Variants in SEMA3D observed in about 807,000 individuals in gnomAD.
SEMA3D encodes the protein semaphorin-3D.
SEMA3D carries 84 observed loss-of-function variants against 100.1 expected under a neutral mutation model. That is an observed-to-expected ratio of 0.84 (90% CI 0.70 to 1.01). SEMA3D has a LOEUF of 1.01. Ranked by LOEUF, SEMA3D falls within the 50% of genes least tolerant of loss-of-function variation. The pLI is 0.00. For missense variants in SEMA3D, 875 were observed against 934.1 expected (o/e 0.94, Z 0.82); for synonymous variants, 312 against 320.7 (o/e 0.97, Z 0.29).
intron 8 of SEMA3D, among the ~76,000 whole-genome samples, chr7:85,057,820 A>G (rs1791364035): frequency 6.6e-6 from 1 of 152,102 alleles, no homozygotes. Flanking sequence ...AATCCCAGCT[A>G]CTTGGGAGGC....
At chr7:85,056,386 C>G (rs1006117922) in intron 8 of SEMA3D, among the ~76,000 whole-genome samples, 56 of 151,956 alleles carry the variant, frequency 3.7e-4, no homozygotes, top group African/African-American at 1.2e-3. Context: ...CACTGCCACT[C>G]ACTGGAATGG....
rs1169601734 is a variant in SEMA3D at position 84,995,823 on chromosome 7, G to C, written c.*3617C>G. On this transcript the variant is annotated 3_prime_UTR_variant, in exon 19 of 19. Coordinates refer to ENST00000284136, the MANE Select transcript of SEMA3D (RefSeq NM_001384900.1). ...TATACTATAAAATATTTAAATGAGA[G>C]GTATAAGTCATGTGTATGATCCTGT... The C allele has an allele frequency of 6.6e-6, 1 of 151,834 alleles. No individual in the cohort carries two copies. The highest frequency in any genetic ancestry group is 1.5e-5 in the Non-Finnish European group (1 of 67,884). The allele number at this position is 151,834 out of a possible 1,614,324, so 9.4% of individuals were successfully genotyped here.
chr7:85,006,809 C>T lies in SEMA3D; in HGVS notation c.1901G>A (p.Arg634Gln), dbSNP rs370785183. The change falls in exon 18 of 19, where the codon CGA (arginine) becomes CAA (glutamine). Residue 634 changes from arginine (R) to glutamine (Q), a missense_variant. Physicochemically the swap from Arg to Gln is conservative, Grantham distance 43 (BLOSUM62 1). Coordinates refer to ENST00000284136, the MANE Select transcript of SEMA3D (RefSeq NM_001384900.1). ...TTGATGACAACAGCTTACCTCCTCTCGATGCTCATCCCCTGACCTCTGGAT... is the reference window on the plus strand; with the variant it reads ...TTGATGACAACAGCTTACCTCCTCTTGATGCTCATCCCCTGACCTCTGGAT... ...WYIQRSGDEHREELKPDERII... is the reference protein window; with the variant it reads ...WYIQRSGDEHQEELKPDERII... 3.6e-4 allele frequency: 567 copies of T among 1,590,066 alleles called. 1 individual carries two copies. Among genetic ancestry groups the T allele is most frequent in the Non-Finnish European group, 4.2e-4 (492 of 1,166,364 alleles).
intron 3 of SEMA3D, among the ~76,000 whole-genome samples, chr7:85,113,853 C>CT (rs1789165014): frequency 6.6e-6 from 1 of 152,084 alleles, no homozygotes; most frequent in African/African-American, 2.4e-5. Flanking sequence ...TAGCTAACTA[C>CT]TACCAGAGAT....
intron 12 of SEMA3D, among the ~76,000 whole-genome samples, chr7:85,033,663 A>G (rs1306178037): frequency 6.6e-6 from 1 of 152,108 alleles, no homozygotes; most frequent in Admixed American, 6.6e-5. Flanking sequence ...TATCTAGATA[A>G]TTGAAAAATA....
upstream of SEMA3D, among the ~76,000 whole-genome samples, chr7:85,187,520 T>C (rs542225890): frequency 5.6e-4 from 86 of 152,316 alleles, no homozygotes; most frequent in Middle Eastern, 0.014. Context: ...GTTAAGGGGC[T>C]GGCACCCGAT....
At chr7:85,245,682 TTATC>T in the SEMA3D span, among the ~76,000 whole-genome samples, 6 of 152,162 alleles carry the variant, frequency 3.9e-5, no homozygotes, top group Non-Finnish European at 7.4e-5. Context: ...ATGTGAGTAA[TTATC>T]AATCTTTCAC....
intron 3 of SEMA3D, among the ~76,000 whole-genome samples, chr7:85,113,247 G>C (rs1297168101): frequency 2.0e-5 from 3 of 152,066 alleles, no homozygotes; most frequent in African/African-American, 4.8e-5. Context: ...TGGAAATATA[G>C]AACATTCTGA....
intron 1 of SEMA3D, among the ~76,000 whole-genome samples, chr7:85,154,324 C>T (rs531283294): frequency 1.3e-4 from 20 of 152,164 alleles, no homozygotes; most frequent in Non-Finnish European, 2.8e-4. Flanking sequence ...TGGTTGACAA[C>T]ATTTACCTTT....
At chr7:85,227,155 T>G in the SEMA3D span, among the ~76,000 whole-genome samples, 1 of 152,224 alleles carries the variant, frequency 6.6e-6, no homozygotes, top group Non-Finnish European at 1.5e-5. Context: ...CTGTAAATAT[T>G]ATCAATGTAC....
At chr7:85,207,969 C>A in the SEMA3D span, among the ~76,000 whole-genome samples, 10 of 152,090 alleles carry the variant, frequency 6.6e-5, no homozygotes, top group African/African-American at 2.4e-4. Context: ...GTTGCTTTTA[C>A]TGACTTCAGA....
chr7:85,246,943 A>G, the SEMA3D span, among the ~76,000 whole-genome samples: 1 of 151,754 alleles, frequency 6.6e-6, no homozygotes, highest in Non-Finnish European at 1.5e-5. Flanking sequence ...ACAAAATATA[A>G]AAAGCTAAAA....
chr7:85,248,837 A>G, the SEMA3D span, among the ~76,000 whole-genome samples: 1 of 152,184 alleles, frequency 6.6e-6, no homozygotes, highest in African/African-American at 2.4e-5. Context: ...GAGGTTATAG[A>G]TGAATAGGCA....
chr7:85,207,009 C>T, the SEMA3D span, among the ~76,000 whole-genome samples: 3 of 152,010 alleles, frequency 2.0e-5, no homozygotes, highest in African/African-American at 4.8e-5. Flanking sequence ...TCTCAGAAAA[C>T]TAACACCATA....
the SEMA3D span, among the ~76,000 whole-genome samples, chr7:85,245,557 T>C: frequency 2.0e-5 from 3 of 152,222 alleles, no homozygotes; most frequent in Non-Finnish European, 1.5e-5. Flanking sequence ...AGTTGAAATT[T>C]TTATACCCTT....
intron 2 of SEMA3D, chr7:85,144,434 A>C (rs1790142799): frequency 1.0e-6 from 1 of 976,632 alleles, no homozygotes; most frequent in African/African-American, 1.8e-5. Context: ...AAATACCCAC[A>C]CACTTCATCC....
chr7:85,235,379 T>C, the SEMA3D span, among the ~76,000 whole-genome samples: 1 of 152,160 alleles, frequency 6.6e-6, no homozygotes, highest in Admixed American at 6.5e-5. Context: ...TCATCAGTAA[T>C]TTAAAAATCT....
intron 1 of SEMA3D, among the ~76,000 whole-genome samples, chr7:85,156,682 A>G (rs1583975594): frequency 6.6e-6 from 1 of 152,172 alleles, no homozygotes; most frequent in East Asian, 1.9e-4. Context: ...TAGGCCATTT[A>G]TATTCATGAA....
the SEMA3D span, among the ~76,000 whole-genome samples, chr7:85,241,790 C>T: frequency 2.6e-5 from 4 of 151,332 alleles, no homozygotes; most frequent in African/African-American, 9.7e-5. Flanking sequence ...ACTCAGGTAA[C>T]CAAATACCAC....
Sources: allele counts gnomAD v4.1 joint callset (sites outside exome capture counted in the v4.1 genomes callset), GRCh38; gene constraint gnomAD v4.1.1; transcripts MANE v1.5; gene names NCBI Gene and HGNC (gene_info 2026-07-23, HGNC 2026-07-21).